The following PIBF1 variants were observed in gnomAD, a reference collection of about 807,000 sequenced individuals.
PIBF1 encodes progesterone-induced-blocking factor 1.
PIBF1 carries 90 observed loss-of-function variants against 112.5 expected under a neutral mutation model. The ratio of observed to expected loss-of-function variants is 0.80; its 90% CI spans 0.67 to 0.95. The LOEUF is 0.95. Ranked by LOEUF, PIBF1 falls within the 40% of genes least tolerant of loss-of-function variation. The pLI, the probability that PIBF1 is intolerant of heterozygous loss-of-function variation, is 0.00. For missense variants in PIBF1, 915 were observed against 852.3 expected (o/e 1.07, Z -0.92); for synonymous variants, 301 against 288.6 (o/e 1.04, Z -0.44).
At chr13:72,973,119 A>G (rs2042938215) in intron 15 of PIBF1, among the ~76,000 whole-genome samples, 1 of 152,174 alleles carries the variant, frequency 6.6e-6, no homozygotes, top group Admixed American at 6.5e-5. Context: ...TTCTTAAGAG[A>G]AGAAAAGCTG....
chr13:72,963,012 G>A (rs771600909), intron 14 of PIBF1, among the ~76,000 whole-genome samples: 1 of 152,142 alleles, frequency 6.6e-6, no homozygotes, highest in Non-Finnish European at 1.5e-5. Context: ...TTCAACAAGA[G>A]TGCTAGGACC....
At position 72,821,981 on chromosome 13, in the gene PIBF1, A is replaced by G. The variant is rs542089852; in HGVS notation, c.805A>G (p.Ser269Gly). Reference sequence around the variant, plus strand: ...TCAAGAGAACTATGATAAAGTCAAGAGGTAAGTAGTTAAAATGGCTGCAGT... The same window carrying G: ...TCAAGAGAACTATGATAAAGTCAAGGGGTAAGTAGTTAAAATGGCTGCAGT... ...YRQENYDKVKSERDALEQEVI... is the reference protein window; with the variant it reads ...YRQENYDKVKGERDALEQEVI... Residue 269 changes from serine (S) to glycine (G), a missense_variant and splice_region_variant, in exon 6 of 18, where the codon AGT (serine) becomes GGT (glycine). Transcript: ENST00000326291. 37 of 1,606,910 alleles carry G rather than the reference A, an allele frequency of 2.3e-5. No individual in the cohort carries two copies. The highest frequency in any genetic ancestry group is 2.9e-5 in the Non-Finnish European group (34 of 1,177,108).
intron 10 of PIBF1, among the ~76,000 whole-genome samples, chr13:72,858,360 C>A (rs2038539074): frequency 6.6e-6 from 1 of 152,116 alleles, no homozygotes; most frequent in East Asian, 1.9e-4. Flanking sequence ...CCATACATTG[C>A]TCTTGATCAA....
intron 10 of PIBF1, among the ~76,000 whole-genome samples, chr13:72,875,466 G>A (rs1195438405): frequency 1.3e-5 from 2 of 151,950 alleles, no homozygotes; most frequent in South Asian, 2.1e-4. Context: ...AAGAAACCAC[G>A]AAATGTGTCA....
At chr13:72,893,973 A>C (rs1220838000) in intron 11 of PIBF1, 24 bp downstream of exon 11, 1 of 1,506,246 alleles carries the variant, frequency 6.6e-7, no homozygotes, top group Non-Finnish European at 9.0e-7. Flanking sequence ...CTTTTCTTTC[A>C]ACATTAGCAT....
chr13:72,794,648 C>T (rs2137960790), intron 3 of PIBF1, among the ~76,000 whole-genome samples: 1 of 152,254 alleles, frequency 6.6e-6, no homozygotes, highest in African/African-American at 2.4e-5. Context: ...GGGAGTTCCC[C>T]TGCACAAGCA....
intron 10 of PIBF1, among the ~76,000 whole-genome samples, chr13:72,870,298 T>C (rs1169578908): frequency 6.6e-6 from 1 of 152,202 alleles, no homozygotes; most frequent in East Asian, 1.9e-4. Flanking sequence ...GTTGCTTGCC[T>C]TGTTTCCTTT....
intron 16 of PIBF1, among the ~76,000 whole-genome samples, chr13:72,978,204 T>A (rs1395133033): frequency 6.6e-6 from 1 of 152,212 alleles, no homozygotes; most frequent in African/African-American, 2.4e-5. Flanking sequence ...TGCCTTCTGC[T>A]TTTGTAGAAG....
In PIBF1 at chr13:72,965,266, T is replaced by G. The variant is rs1299638909; in HGVS notation, c.1834-8T>G. On this transcript the variant is annotated splice_region_variant and splice_polypyrimidine_tract_variant and intron_variant, in intron 14 of 17. Transcript: ENST00000326291. Reference sequence around the variant, plus strand: ...TTCTAGATTTTAATGAAACCTGTGTTTCTTTAGCTTGACAGAGCCAATTCG... The same window carrying G: ...TTCTAGATTTTAATGAAACCTGTGTGTCTTTAGCTTGACAGAGCCAATTCG... 1.9e-6 allele frequency: 3 copies of G among 1,604,486 alleles called. No individual in the cohort carries two copies. The South Asian group carries it at 3.4e-5, about 18-fold the overall frequency.
chr13:72,869,644 A>T (rs1406666442), intron 10 of PIBF1, among the ~76,000 whole-genome samples: 1 of 151,722 alleles, frequency 6.6e-6, no homozygotes, highest in Non-Finnish European at 1.5e-5. Context: ...AATAATAAAA[A>T]AATAAAAAAT....
At chr13:72,885,895 A>G (rs2039830521) in intron 10 of PIBF1, among the ~76,000 whole-genome samples, 1 of 152,168 alleles carries the variant, frequency 6.6e-6, no homozygotes, top group South Asian at 2.1e-4. Flanking sequence ...CTAGGCTTAA[A>G]GACCCATGAC....
At chr13:72,887,175 T>A (rs2039892068) in intron 10 of PIBF1, among the ~76,000 whole-genome samples, 2 of 151,790 alleles carry the variant, frequency 1.3e-5, no homozygotes, top group Non-Finnish European at 1.5e-5. Context: ...ATATTTAAAA[T>A]TTTTAAATAT....
chr13:72,931,673 G>A (rs1002392578), intron 14 of PIBF1, among the ~76,000 whole-genome samples: 1 of 140,842 alleles, frequency 7.1e-6, no homozygotes, highest in African/African-American at 2.6e-5. Context: ...TAGAAAATCA[G>A]GCTCATATTG....
intron 7 of PIBF1, 139 bp from the exon 8 acceptor site, chr13:72,827,594 G>A (rs1480221193): frequency 1.5e-5 from 7 of 476,130 alleles, no homozygotes; most frequent in Non-Finnish European, 2.2e-5. Context: ...TAAAAAAGTT[G>A]CATGCTAAGA....
chr13:72,989,276 TGTCA>T (rs975728249), intron 16 of PIBF1, among the ~76,000 whole-genome samples: 1 of 152,212 alleles, frequency 6.6e-6, no homozygotes, highest in Non-Finnish European at 1.5e-5. Context: ...TTTCAAAATG[TGTCA>T]GTGTTTATGA....
intron 9 of PIBF1, among the ~76,000 whole-genome samples, chr13:72,852,265 C>A (rs1594052235): frequency 6.6e-6 from 1 of 152,208 alleles, no homozygotes; most frequent in Non-Finnish European, 1.5e-5. Context: ...CTCTGCAGTT[C>A]CTGGCATCTC....
intron 5 of PIBF1, among the ~76,000 whole-genome samples, chr13:72,811,198 G>GT (rs2035993421): frequency 6.6e-6 from 1 of 152,190 alleles, no homozygotes; most frequent in East Asian, 1.9e-4. Flanking sequence ...AGATTCTAAT[G>GT]TGGCGGGTTC....
chr13:72,786,301 A>T (rs1057283532), intron 2 of PIBF1, among the ~76,000 whole-genome samples: 1 of 152,222 alleles, frequency 6.6e-6, no homozygotes, highest in Non-Finnish European at 1.5e-5. Context: ...AGTTTGACAC[A>T]TAATCATCAT....
intron 16 of PIBF1, among the ~76,000 whole-genome samples, chr13:72,983,526 T>C (rs2043203736): frequency 6.6e-6 from 1 of 152,190 alleles, no homozygotes; most frequent in Non-Finnish European, 1.5e-5. Flanking sequence ...CAGCAGTGTA[T>C]GTCAGATAAT....
Sources: allele counts gnomAD v4.1 joint callset (sites outside exome capture counted in the v4.1 genomes callset), GRCh38; gene constraint gnomAD v4.1.1; transcripts MANE v1.5; gene names NCBI Gene and HGNC (gene_info 2026-07-23, HGNC 2026-07-21).